NPR3: variants seen among roughly 807,000 people sequenced by gnomAD.
NPR3 encodes the protein natriuretic peptide receptor 3.
Under a neutral mutation model 54.5 loss-of-function variants are expected in NPR3, and 34 were observed. The ratio of observed to expected loss-of-function variants is 0.62; its 90% CI spans 0.47 to 0.83. The LOEUF (loss-of-function observed/expected upper bound fraction) is 0.83. Among genes scored for constraint, NPR3 ranks in the 40% least tolerant of loss-of-function variants. The probability of loss-of-function intolerance (pLI) is 0.00; values close to 1 mark genes in which losing one functional copy is unlikely to be tolerated. For synonymous variants in NPR3, 289 were observed against 297.1 expected (o/e 0.97, Z 0.28); for missense variants, 674 against 720.8 (o/e 0.94, Z 0.74).
At chr5:32,737,373 T>C (rs1354814816) in intron 2 of NPR3, among the ~76,000 whole-genome samples, 1 of 152,204 alleles carries the variant, frequency 6.6e-6, no homozygotes. Context: ...CTTGCATAGT[T>C]CATAGATGTT....
chr5:32,760,576 C>T (rs1043483249), intron 3 of NPR3, among the ~76,000 whole-genome samples: 1 of 151,260 alleles, frequency 6.6e-6, no homozygotes, highest in Non-Finnish European at 1.5e-5. Flanking sequence ...TTTATATATT[C>T]TGGATATAAG....
chr5:32,695,141 T>C (rs1183049852), intron 1 of NPR3, among the ~76,000 whole-genome samples: 3 of 152,256 alleles, frequency 2.0e-5, no homozygotes, highest in African/African-American at 7.2e-5. Context: ...CAATCTTCGC[T>C]ATTGTGAATA....
chr5:32,694,896 T>G (rs1434196423), intron 1 of NPR3, among the ~76,000 whole-genome samples: 2 of 152,102 alleles, frequency 1.3e-5, no homozygotes, highest in Non-Finnish European at 2.9e-5. Context: ...TTCTATTCTC[T>G]GTCTCCATGA....
In NPR3 at chr5:32,691,357, T is replaced by C. The variant is rs145685604; in HGVS notation, c.100+2171T>C. Among the ~76,000 whole-genome samples, 249 of 152,350 alleles carry C rather than the reference T, an allele frequency of 1.6e-3. 3 individuals are homozygous for C. The highest frequency in any genetic ancestry group is 5.9e-3 in the African/African-American group (246 of 41,582). ...TTTGGCACAATACTGGGATTTTACT[T>C]AGGGAAATCAATTATTCAATGTATC... is the stretch of plus-strand genomic sequence containing the variant. On this transcript the variant is annotated intron_variant, in intron 1 of 5. Coordinates refer to the NPR3 transcript ENST00000509104.
chr5:32,719,554 T>C (rs987525872), intron 1 of NPR3, among the ~76,000 whole-genome samples: 6 of 152,200 alleles, frequency 3.9e-5, no homozygotes, highest in African/African-American at 1.4e-4. Flanking sequence ...TTGCTTTGCT[T>C]TCCTGGAAAT....
upstream of NPR3, chr5:32,709,350 A>C (rs1328525205): frequency 2.0e-5 from 3 of 151,848 alleles, no homozygotes; most frequent in Non-Finnish European, 4.4e-5. Flanking sequence ...ACCAGTTTCG[A>C]AATCCATTAA....
At chr5:32,723,304 G>A (rs1274077332) in intron 1 of NPR3, among the ~76,000 whole-genome samples, 1 of 152,194 alleles carries the variant, frequency 6.6e-6, no homozygotes, top group Non-Finnish European at 1.5e-5. Context: ...TAATGGTCAA[G>A]CCCTACTTCA....
At position 32,726,083 on chromosome 5, in the gene NPR3, C is replaced by T. The variant is rs114785987; in HGVS notation, c.892+1263C>T. On this transcript the variant is annotated intron_variant, in intron 2 of 7. Transcript: ENST00000265074. ...TCGGGCTACAGAACATTTTCTCAAACGCTGCATGCTGGCTGCTCAGAGCGG... is the reference window on the plus strand; with the variant it reads ...TCGGGCTACAGAACATTTTCTCAAATGCTGCATGCTGGCTGCTCAGAGCGG... Among the ~76,000 whole-genome samples the T allele has an allele frequency of 2.7e-3, 409 of 152,290 alleles. 2 individuals carry two copies. Among genetic ancestry groups the T allele is most frequent in the African/African-American group, 9.5e-3 (396 of 41,562 alleles).
intron 1 of NPR3, among the ~76,000 whole-genome samples, chr5:32,691,285 T>C (rs554823559): frequency 6.6e-6 from 1 of 152,364 alleles, no homozygotes; most frequent in African/African-American, 2.4e-5. Context: ...TTTTTGGACA[T>C]TAAGCGAGTA....
At chr5:32,703,418 G>T (rs1279298074) in intron 1 of NPR3, among the ~76,000 whole-genome samples, 1 of 151,686 alleles carries the variant, frequency 6.6e-6, no homozygotes, top group African/African-American at 2.4e-5. Flanking sequence ...TCAAGCAGAA[G>T]GAGTCTCTCC....
chr5:32,707,996 TAAAAAAAAAA>T (rs58410343), upstream of NPR3, among the ~76,000 whole-genome samples: 1 of 131,492 alleles, frequency 7.6e-6, no homozygotes, highest in East Asian at 2.3e-4. Flanking sequence ...GTAGTAGCTT[TAAAAAAAAAA>T]AAAAAAAAAA....
At chr5:32,782,098 C>T (rs1742364845) in intron 5 of NPR3, among the ~76,000 whole-genome samples, 1 of 152,112 alleles carries the variant, frequency 6.6e-6, no homozygotes, top group Non-Finnish European at 1.5e-5. Flanking sequence ...TAAACCATAA[C>T]AGAATAATGA....
In NPR3 at chr5:32,789,214, A is replaced by G. The variant is rs1442003330; in HGVS notation, c.*2869A>G. The G allele has an allele frequency of 3.5e-6, 1 of 282,772 alleles. No individual in the cohort carries two copies. Among genetic ancestry groups the G allele is most frequent in the East Asian group, 8.6e-5 (1 of 11,674 alleles). 17.5% of individuals were successfully genotyped at this position (282,772 alleles called of 1,614,324 possible). A position where few individuals can be genotyped will look rare whatever the true frequency, so the allele number is the denominator to read the frequency against. ...TCAGCTGACATTGATACAGGTCAAAATGCGTAGATGCTTTTTGGTGTTGGA... is the reference window on the plus strand; with the variant it reads ...TCAGCTGACATTGATACAGGTCAAAGTGCGTAGATGCTTTTTGGTGTTGGA... On this transcript the variant is annotated 3_prime_UTR_variant, in exon 8 of 8. Transcript: ENST00000265074.
chr5:32,690,915 C>T (rs1428712893), intron 1 of NPR3, among the ~76,000 whole-genome samples: 2 of 152,208 alleles, frequency 1.3e-5, no homozygotes, highest in Admixed American at 6.5e-5. Context: ...GCTGACCACC[C>T]CGGGTATTCT....
At chr5:32,742,084 C>A (rs772665380) in intron 3 of NPR3, among the ~76,000 whole-genome samples, 4 of 151,802 alleles carry the variant, frequency 2.6e-5, no homozygotes, top group Non-Finnish European at 5.9e-5. Context: ...TCTCTAGACT[C>A]AGTCTTTTTG....
chr5:32,721,730 T>C (rs897205295), intron 1 of NPR3, among the ~76,000 whole-genome samples: 1 of 152,174 alleles, frequency 6.6e-6, no homozygotes, highest in Non-Finnish European at 1.5e-5. Context: ...TGGTGGGGTA[T>C]GTCTTAGTTT....
Position 32,775,699 on chromosome 5 carries a change from G to A in NPR3, c.1195+856G>A, listed in dbSNP as rs541117036. 4.0e-4 allele frequency among the ~76,000 whole-genome samples: 61 copies of A among 152,232 alleles called. 1 individual carries two copies. The highest frequency in any genetic ancestry group is 1.4e-3 in the African/African-American group (58 of 41,524). On this transcript the variant is annotated intron_variant, in intron 4 of 7. Transcript: ENST00000265074. ...TGCAACCTCCACCTCCTGGGTTCAA[G>A]TGATTCTCGTACCTCAGCCTCCTGA...
intron 2 of NPR3, among the ~76,000 whole-genome samples, chr5:32,735,665 T>A (rs1341461669): frequency 6.6e-6 from 1 of 152,162 alleles, no homozygotes; most frequent in East Asian, 1.9e-4. Flanking sequence ...CTGATTCTCA[T>A]CATATCACTC....
intron 1 of NPR3, chr5:32,716,798 G>T: frequency 6.5e-6 from 1 of 153,082 alleles, no homozygotes; most frequent in Non-Finnish European, 1.5e-5. Context: ...AATTTCCTAT[G>T]GATTTATAAT....
Sources: gnomAD v4.1 joint callset for allele counts (sites outside exome capture counted in the v4.1 genomes callset) on GRCh38, gnomAD v4.1.1 for gene constraint, MANE v1.5 for transcripts, NCBI Gene and HGNC (gene_info 2026-07-23, HGNC 2026-07-21) for gene names.